DNM3: variants seen among roughly 807,000 people sequenced by gnomAD.
DNM3 encodes dynamin 3.
In DNM3, 47 loss-of-function variants were observed where a neutral mutation model predicts 101.6. The observed-to-expected ratio is 0.46, with a 90% CI of 0.37 to 0.59. DNM3 has a LOEUF of 0.59. Among genes scored for constraint, DNM3 ranks in the 20% least tolerant of loss-of-function variants. DNM3 has a pLI of 0.00. For missense variants in DNM3, 849 were observed against 1,085.7 expected, an observed-to-expected ratio of 0.78 and a Z score of 3.06; for synonymous variants, 385 against 387.9, an observed-to-expected ratio of 0.99 and a Z score of 0.09.
In DNM3 at chr1:172,411,218, G is replaced by A. The variant is rs916772820; in HGVS notation, c.*3377G>A. ...CTTTGAATGATCTGCCATAACATGT[G>A]GTAACAATAGTTCATTTCTCATAAC... On this transcript the variant is annotated 3_prime_UTR_variant, in exon 21 of 21. Transcript: ENST00000627582. The A allele has an allele frequency of 7.1e-6, 7 of 984,892 alleles. No homozygotes were observed. Among genetic ancestry groups the A allele is most frequent in the Non-Finnish European group, 8.4e-6 (7 of 829,728 alleles). 61.0% of individuals were successfully genotyped at this position (984,892 alleles called of 1,614,324 possible).
chr1:172,081,090 C>T (rs2053107771), intron 11 of DNM3, among the ~76,000 whole-genome samples: 1 of 149,778 alleles, frequency 6.7e-6, no homozygotes, highest in Non-Finnish European at 1.5e-5. Flanking sequence ...CCAGCCACCA[C>T]CTATTATTAT....
intron 17 of DNM3, among the ~76,000 whole-genome samples, chr1:172,375,505 A>G (rs888590429): frequency 6.6e-6 from 1 of 152,070 alleles, no homozygotes; most frequent in Non-Finnish European, 1.5e-5. Flanking sequence ...TTACCATGGT[A>G]ACAGTGTTTT....
rs571870192 is a variant in DNM3, at chr1:171,973,813, G to A, written c.236-13843G>A. ...CAAATAGTTGGGTCTACAGGCATGT[G>A]CCATTATGCCTGGCTAATTTTTTGG... On this transcript the variant is annotated intron_variant, in intron 2 of 20. Transcript: ENST00000627582. 8.6e-5 allele frequency among the ~76,000 whole-genome samples: 13 copies of A among 151,888 alleles called. No homozygotes were observed. The South Asian group carries it at 2.7e-3, about 32-fold the overall frequency.
chr1:172,281,618 T>A (rs1211573646), intron 15 of DNM3, among the ~76,000 whole-genome samples: 2 of 152,200 alleles, frequency 1.3e-5, no homozygotes, highest in Non-Finnish European at 2.9e-5. Context: ...GTATTTAATA[T>A]AAGTAATTAT....
intron 14 of DNM3, among the ~76,000 whole-genome samples, chr1:172,177,215 T>C (rs1463726880): frequency 1.3e-5 from 2 of 151,874 alleles, no homozygotes; most frequent in Non-Finnish European, 2.9e-5. Context: ...CAGTTACCTG[T>C]GGTCAACTGT....
intron 2 of DNM3, among the ~76,000 whole-genome samples, chr1:171,967,364 G>T (rs756527074): frequency 1.1e-4 from 16 of 152,062 alleles, no homozygotes; most frequent in Non-Finnish European, 1.9e-4. Flanking sequence ...AAATTACTTT[G>T]TTGGGGTGTA....
chr1:172,337,861 TTTTATTTTTATTTTA>T (rs1316602901), intron 17 of DNM3, among the ~76,000 whole-genome samples: 5 of 145,638 alleles, frequency 3.4e-5, no homozygotes, highest in African/African-American at 7.8e-5. Context: ...TTTTATTTTA[TTTTATTTTTATTTTA>T]TTTTATTTTA....
intron 14 of DNM3, among the ~76,000 whole-genome samples, chr1:172,217,642 T>C (rs1247803727): frequency 6.6e-6 from 1 of 152,176 alleles, no homozygotes; most frequent in Non-Finnish European, 1.5e-5. Context: ...TCTGAAAATT[T>C]AGCCTGTATC....
chr1:172,132,883 T>C (rs1425065481), intron 14 of DNM3: 1 of 888,030 alleles, frequency 1.1e-6, no homozygotes, highest in Admixed American at 2.0e-5. Context: ...ATTTTCCTTA[T>C]TGCAGAACAT....
chr1:172,068,787 G>A (rs1383578291), intron 10 of DNM3, 32 bp from the exon 11 acceptor site: 24 of 1,526,026 alleles, frequency 1.6e-5, no homozygotes, highest in East Asian at 4.9e-5. Flanking sequence ...AACTTTTTGA[G>A]TATTAATACT....
At chr1:172,402,584 T>C (rs1196389698) in intron 20 of DNM3, among the ~76,000 whole-genome samples, 3 of 152,206 alleles carry the variant, frequency 2.0e-5, no homozygotes, top group Admixed American at 2.0e-4. Context: ...CTACTTATGC[T>C]GGACTTCAAT....
intron 12 of DNM3, among the ~76,000 whole-genome samples, chr1:172,082,624 T>A (rs2053242292): frequency 6.6e-6 from 1 of 152,038 alleles, no homozygotes; most frequent in African/African-American, 2.4e-5. Flanking sequence ...ATATAGCCTA[T>A]TTTATGTAAA....
rs75258936 is a variant in DNM3, at chr1:171,850,907, C to A, written c.161+9090C>A. On this transcript the variant is annotated intron_variant, in intron 1 of 20. Coordinates refer to ENST00000627582, the MANE Select transcript of DNM3 (RefSeq NM_015569.5). ...GTGTCCACCAGATTGTAGGGACATA[C>A]GAAGAGAAAAGACTGGTAAGGTTCA... Among the ~76,000 whole-genome samples the A allele has an allele frequency of 1.4e-3, 210 of 151,896 alleles. 1 individual carries two copies. The highest frequency in any genetic ancestry group is 4.9e-3 in the African/African-American group (201 of 41,422).
chr1:172,159,662 G>A (rs2058473652), intron 14 of DNM3, among the ~76,000 whole-genome samples: 1 of 152,014 alleles, frequency 6.6e-6, no homozygotes, highest in African/African-American at 2.4e-5. Context: ...TGCTCCCTCT[G>A]TTGTTGAGTT....
chr1:172,350,639 A>C (rs2067163333), intron 17 of DNM3, among the ~76,000 whole-genome samples: 1 of 152,204 alleles, frequency 6.6e-6, no homozygotes, highest in Non-Finnish European at 1.5e-5. Flanking sequence ...TATGCTAATG[A>C]AATCATGGGA....
At chr1:172,073,227 ATG>A (rs1175096503) in intron 11 of DNM3, among the ~76,000 whole-genome samples, 2 of 151,900 alleles carry the variant, frequency 1.3e-5, no homozygotes, top group Non-Finnish European at 2.9e-5. Flanking sequence ...GTATGTATAT[ATG>A]TGTGTATTTA....
At chr1:172,228,779 AT>A (rs1359439895) in intron 14 of DNM3, among the ~76,000 whole-genome samples, 1 of 152,166 alleles carries the variant, frequency 6.6e-6, no homozygotes, top group African/African-American at 2.4e-5. Context: ...ATGTATTCAT[AT>A]AAGACTGCAC....
intron 6 of DNM3, 82 bp from the exon 7 acceptor site, chr1:172,038,237 G>A (rs530055706): frequency 7.9e-6 from 12 of 1,524,562 alleles, no homozygotes; most frequent in East Asian, 2.3e-5. Flanking sequence ...CAATGGAGGC[G>A]GATCTTTGTC....
At chr1:172,146,803 A>G (rs1444352896) in intron 14 of DNM3, among the ~76,000 whole-genome samples, 2 of 152,244 alleles carry the variant, frequency 1.3e-5, no homozygotes, top group Non-Finnish European at 2.9e-5. Flanking sequence ...ATTTATGTCC[A>G]TAAGACATGC....
Sources: allele counts gnomAD v4.1 joint callset (sites outside exome capture counted in the v4.1 genomes callset), GRCh38; gene constraint gnomAD v4.1.1; transcripts MANE v1.5; gene names NCBI Gene and HGNC (gene_info 2026-07-23, HGNC 2026-07-21).